RLF: variants seen among roughly 807,000 people sequenced by gnomAD.
The protein encoded by RLF is RLF zinc finger.
A neutral mutation model predicts 162.9 loss-of-function variants in RLF; 7 were observed. That is an observed-to-expected ratio of 0.04 (90% CI 0.02 to 0.08). The LOEUF is 0.08. Among genes scored for constraint, RLF ranks in the 10% least tolerant of loss-of-function variants. The pLI, the probability that RLF is intolerant of heterozygous loss-of-function variation, is 1.00. For missense variants in RLF, 1,664 were observed against 2,244.7 expected (o/e 0.74, Z 5.23); for synonymous variants, 782 against 791.5 (o/e 0.99, Z 0.20).
intron 1 of RLF, among the ~76,000 whole-genome samples, chr1:40,180,065 T>TTG (rs1642386071): frequency 6.6e-6 from 1 of 152,230 alleles, no homozygotes; most frequent in African/African-American, 2.4e-5. Flanking sequence ...CAAATACCTC[T>TTG]TCAAGATCTG....
intron 7 of RLF, among the ~76,000 whole-genome samples, chr1:40,234,899 C>T (rs1643197479): frequency 6.6e-6 from 1 of 152,110 alleles, no homozygotes; most frequent in South Asian, 2.1e-4. Flanking sequence ...GCTGCCATAG[C>T]AAGATTTCTG....
intron 6 of RLF, among the ~76,000 whole-genome samples, chr1:40,227,304 T>C (rs1259537241): frequency 6.6e-6 from 1 of 152,188 alleles, no homozygotes; most frequent in African/African-American, 2.4e-5. Context: ...GCAGCATACA[T>C]ACAGTGGAAT....
rs1232450978 is a variant in RLF at position 40,189,099 on chromosome 1, T to G, written c.282T>G (p.Ile94Met). The change falls in exon 2 of 8, where the codon ATT becomes ATG. Residue 94 changes from isoleucine to methionine, a missense_variant. Ile to Met is a conservative substitution (Grantham distance 10). Transcript: ENST00000372771. ...YASNKNASEH[I>M]VYLLEVYRLA... ...GCAACAAGAATGCATCAGAACATAT[T>G]GTGTATCTTCTGGAGGTATATCGAC... The G allele has an allele frequency of 6.2e-7, 1 of 1,611,410 alleles. No individual in the cohort carries two copies. Among genetic ancestry groups the G allele is most frequent in the Admixed American group, 1.7e-5 (1 of 59,964 alleles).
chr1:40,217,448 G>A (rs1214742054), intron 5 of RLF, among the ~76,000 whole-genome samples: 1 of 151,988 alleles, frequency 6.6e-6, no homozygotes, highest in East Asian at 1.9e-4. Context: ...TCTAGCCTGG[G>A]CCACGGAGCA....
At chr1:40,179,662 C>G (rs1265042173) in intron 1 of RLF, among the ~76,000 whole-genome samples, 2 of 150,466 alleles carry the variant, frequency 1.3e-5, no homozygotes, top group Non-Finnish European at 2.9e-5. Context: ...CATTGTTGTG[C>G]AACCATTACC....
Position 40,238,326 on chromosome 1 carries a change from T to C in RLF, c.3624T>C (p.Asp1208=). The C allele has an allele frequency of 6.2e-7, 1 of 1,614,074 alleles. No individual in the cohort carries two copies. Among genetic ancestry groups the C allele is most frequent in the South Asian group, 1.1e-5 (1 of 91,076 alleles). The change falls in exon 8 of 8, where the codon GAT becomes GAC. Residue 1208 remains aspartate, a synonymous_variant. Coordinates refer to ENST00000372771, the MANE Select transcript of RLF (RefSeq NM_012421.4). The surrounding 1 kb of genome is among the most constrained non-coding windows in gnomAD (Gnocchi z 5.2). ...ACAGAGCAACTCACAAACTATTAGA[T>C]AATGAAAAGTGTGATCATGAAGGCC... ...GSDRATHKLL[D]NEKCDHEGPC...
intron 4 of RLF, among the ~76,000 whole-genome samples, chr1:40,200,900 ACACACACAC>A: frequency 1.6e-5 from 2 of 124,750 alleles, no homozygotes; most frequent in Non-Finnish European, 3.3e-5. Flanking sequence ...ACACACACAC[ACACACACAC>A]ACACACACAC....
At chr1:40,234,616 TTA>T (rs1643194905) in intron 7 of RLF, among the ~76,000 whole-genome samples, 1 of 152,254 alleles carries the variant, frequency 6.6e-6, no homozygotes, top group Non-Finnish European at 1.5e-5. Context: ...AACATTACTG[TTA>T]TCATTTTACC....
At chr1:40,218,893 T>C (rs1642958573) in intron 5 of RLF, among the ~76,000 whole-genome samples, 1 of 152,200 alleles carries the variant, frequency 6.6e-6, no homozygotes, top group South Asian at 2.1e-4. Flanking sequence ...ACATAATTGA[T>C]TCTTTAAAAC....
intron 5 of RLF, among the ~76,000 whole-genome samples, chr1:40,221,634 C>T (rs1230306248): frequency 6.7e-6 from 1 of 149,974 alleles, no homozygotes; most frequent in Non-Finnish European, 1.5e-5. Context: ...GGCACGGTGG[C>T]TCACGACTGT....
chr1:40,173,076 T>G (rs1642268322), intron 1 of RLF, among the ~76,000 whole-genome samples: 1 of 148,584 alleles, frequency 6.7e-6, no homozygotes, highest in South Asian at 2.1e-4. Flanking sequence ...CATTCAGGTT[T>G]TTTTTTTTTT....
chr1:40,207,354 C>G (rs1220573855), intron 5 of RLF, among the ~76,000 whole-genome samples: 1 of 152,068 alleles, frequency 6.6e-6, no homozygotes, highest in Non-Finnish European at 1.5e-5. Context: ...GCTTGGAGGT[C>G]TTTTTGAATT....
rs1168908018 is a variant in RLF at position 40,224,623 on chromosome 1, C to CTTT, written c.947+1942_947+1944dup. Among the ~76,000 whole-genome samples the CTTT allele has an allele frequency of 4.5e-3, 148 of 33,236 alleles. 14 individuals carry two copies. The highest frequency in any genetic ancestry group is 0.026 in the East Asian group (19 of 726). The allele number at this position is 33,236 out of a possible 152,430, so 21.8% of individuals were successfully genotyped here. ...TTTCCCCTTCCATTGTTTTTGAAAG[C>CTTT]TTTTTTTTTTTTTTTTTTTTTTTTT... On this transcript the variant is annotated intron_variant, in intron 6 of 7. Coordinates refer to ENST00000372771, the MANE Select transcript of RLF (RefSeq NM_012421.4).
rs1642088157 is a variant in RLF at position 40,161,733 on chromosome 1, C to T, written c.237+97C>T. The T allele has an allele frequency of 2.0e-6, 3 of 1,478,784 alleles. No individual in the cohort carries two copies. Among genetic ancestry groups the T allele is most frequent in the African/African-American group, 2.9e-5 (2 of 68,834 alleles). The allele number at this position is 1,478,784 out of a possible 1,614,324, so 91.6% of individuals were successfully genotyped here. A position where few individuals can be genotyped will look rare whatever the true frequency, so the allele number is the denominator to read the frequency against. On this transcript the variant is annotated intron_variant, in intron 1 of 7. Transcript: ENST00000372771. The surrounding 1 kb of genome is among the most constrained non-coding windows in gnomAD (Gnocchi z 4.4). ...AAGCAGCCGGGTCCAAACTGAAAGG[C>T]GCCACCTCCGTGACTCGCCGCGCCC...
chr1:40,173,793 C>T (rs140805850), intron 1 of RLF, among the ~76,000 whole-genome samples: 1 of 152,118 alleles, frequency 6.6e-6, no homozygotes, highest in Non-Finnish European at 1.5e-5. Context: ...GGGATTATAG[C>T]CGTGAGCCAC....
At chr1:40,211,050 T>TA (rs1260894903) in intron 5 of RLF, among the ~76,000 whole-genome samples, 4 of 152,210 alleles carry the variant, frequency 2.6e-5, no homozygotes, top group Admixed American at 2.6e-4. Flanking sequence ...CACAAAGTCT[T>TA]ACATTCATTT....
intron 6 of RLF, among the ~76,000 whole-genome samples, chr1:40,227,511 G>A (rs923049912): frequency 1.3e-5 from 2 of 152,136 alleles, no homozygotes; most frequent in African/African-American, 2.4e-5. Context: ...TAACATACTG[G>A]CTGTCGTGGT....
intron 6 of RLF, among the ~76,000 whole-genome samples, chr1:40,228,654 A>T (rs1643112252): frequency 6.6e-6 from 1 of 152,002 alleles, no homozygotes; most frequent in African/African-American, 2.4e-5. Context: ...GATTTACCTA[A>T]CTTTGTTGCC....
chr1:40,161,705 T>C lies in RLF; in HGVS notation c.237+69T>C. On this transcript the variant is annotated intron_variant, in intron 1 of 7. Transcript: ENST00000372771. This position sits in a 1 kb window ranked among gnomAD's most constrained non-coding sequence, Gnocchi z 4.4. ...TCAGGGAAGGAGGCCCTGGATCCTC[T>C]GTAAGCAGCCGGGTCCAAACTGAAA... 6.4e-7 allele frequency: 1 copy of C among 1,572,600 alleles called. No individual in the cohort carries two copies. Among genetic ancestry groups the C allele is most frequent in the Non-Finnish European group, 8.6e-7 (1 of 1,167,810 alleles).
Sources: allele counts gnomAD v4.1 joint callset (sites outside exome capture counted in the v4.1 genomes callset), GRCh38; gene constraint gnomAD v4.1.1; non-coding constraint Gnocchi (gnomAD v3.1); transcripts MANE v1.5; gene names NCBI Gene and HGNC (gene_info 2026-07-23, HGNC 2026-07-21).